Variants in RSPH9 observed in about 807,000 individuals in gnomAD.
The protein encoded by RSPH9 is radial spoke head protein 9 homolog.
In RSPH9, 27 loss-of-function variants were observed where a neutral mutation model predicts 27.0. The observed-to-expected ratio is 1.00, with a 90% CI of 0.74 to 1.38. RSPH9 has a LOEUF of 1.38. Among genes scored for constraint, RSPH9 ranks in the 40% most tolerant of loss-of-function variants. RSPH9 has a pLI of 0.00. For missense variants in RSPH9, 347 were observed against 357.4 expected (o/e 0.97, Z 0.24); for synonymous variants, 145 against 147.7 (o/e 0.98, Z 0.13).
At chr6:43,649,339 G>A (rs1339465849) in intron 1 of RSPH9, among the ~76,000 whole-genome samples, 3 of 151,692 alleles carry the variant, frequency 2.0e-5, no homozygotes, top group East Asian at 1.9e-4. Context: ...ACAGGCGCCC[G>A]CCACCAAGCC....
At chr6:43,654,776 T>G (rs1383963119) in intron 2 of RSPH9, among the ~76,000 whole-genome samples, 1 of 152,088 alleles carries the variant, frequency 6.6e-6, no homozygotes, top group Non-Finnish European at 1.5e-5. Flanking sequence ...TGAGCTGAGA[T>G]CCCTGCACTG....
chr6:43,645,306 C>T lies in RSPH9; in HGVS notation c.208C>T (p.Pro70Ser). 1 of 1,613,622 alleles carries T rather than the reference C, an allele frequency of 6.2e-7. No individual in the cohort carries two copies. Among genetic ancestry groups the T allele is most frequent in the African/African-American group, 1.3e-5 (1 of 75,050 alleles). The change falls in exon 1 of 5, where the codon CCG (proline) becomes TCG (serine). Residue 70 changes from proline to serine, a missense_variant. Pro to Ser is a moderately conservative substitution (Grantham distance 74). Coordinates refer to ENST00000372163, the MANE Select transcript of RSPH9 (RefSeq NM_152732.5). ...GGGCCTGAGTGAGGACCAGCTCGCA[C>T]CGCGCAAGACGCTCTATAGGTGAGG... ...AQGLSEDQLA[P>S]RKTLYSLNCT...
chr6:43,645,317 G>A lies in RSPH9; in HGVS notation c.219G>A (p.Thr73=), dbSNP rs1173481906. ...LSEDQLAPRK[T]LYSLNCTEWS... The stretch of plus-strand genomic sequence containing the variant: ...AGGACCAGCTCGCACCGCGCAAGAC[G>A]CTCTATAGGTGAGGAGGCCCCCGGG... The change falls in exon 1 of 5, where the codon ACG becomes ACA. Residue 73 remains threonine (T), a synonymous_variant. Transcript: ENST00000372163. The A allele has an allele frequency of 1.4e-6, 2 of 1,451,828 alleles. No individual in the cohort carries two copies. Among genetic ancestry groups the A allele is most frequent in the Non-Finnish European group, 1.9e-6 (2 of 1,077,126 alleles). The allele number at this position is 1,451,828 out of a possible 1,614,324, so 89.9% of individuals were successfully genotyped here.
At chr6:43,645,570 C>T (rs1770766307) in intron 1 of RSPH9, among the ~76,000 whole-genome samples, 1 of 151,180 alleles carries the variant, frequency 6.6e-6, no homozygotes, top group African/African-American at 2.5e-5. Context: ...CCTGAGAGGG[C>T]GGGGCAATGG....
At chr6:43,666,550 T>TAATGATAC in intron 4 of RSPH9, 1 of 1,421,462 alleles carries the variant, frequency 7.0e-7, no homozygotes, top group South Asian at 1.2e-5. Context: ...TCTTGTCCCT[T>TAATGATAC]GGCCAAAGTG....
chr6:43,671,950 C>A lies in RSPH9; in HGVS notation c.*1001C>A. 2 of 1,533,886 alleles carry A rather than the reference C, an allele frequency of 1.3e-6. No homozygotes were observed. The highest frequency in any genetic ancestry group is 2.4e-5 in the East Asian group (1 of 42,204). ...GAGGTGCCTGTGAGGGCTGGGGGCC[C>A]AAGCTGGACGTGGGAGAGTGGAGCA... is the stretch of plus-strand genomic sequence containing the variant. On this transcript the variant is annotated 3_prime_UTR_variant, in exon 5 of 5. Transcript: ENST00000372163.
chr6:43,670,861 C>A lies in RSPH9; in HGVS notation c.743C>A (p.Thr248Asn), dbSNP rs371417111. Residue 248 changes from threonine to asparagine, a missense_variant, in exon 5 of 5, where the codon ACC (threonine) becomes AAC (asparagine). Transcript: ENST00000372163. The part of the protein sequence containing the change: ...VLRSLLWPGL[T>N]FYHAPRTKNY... Reference sequence around the variant, plus strand: ...CGCAGCCTGCTCTGGCCGGGCCTCACCTTCTACCATGCTCCCCGCACCAAG... The same window carrying A: ...CGCAGCCTGCTCTGGCCGGGCCTCAACTTCTACCATGCTCCCCGCACCAAG... 4 of 1,614,254 alleles carry A rather than the reference C, an allele frequency of 2.5e-6. No homozygotes were observed. The African/African-American group carries it at 4.0e-5, about 16-fold the overall frequency.
At chr6:43,658,290 TC>T (rs1455543198) in intron 4 of RSPH9, among the ~76,000 whole-genome samples, 1 of 34,238 alleles carries the variant, frequency 2.9e-5, no homozygotes, top group Non-Finnish European at 4.8e-5. Context: ...AAACTCCGTC[TC>T]AAAAAAAAAA....
intron 4 of RSPH9, among the ~76,000 whole-genome samples, chr6:43,668,752 GC>G (rs1773405153): frequency 6.6e-6 from 1 of 152,232 alleles, no homozygotes; most frequent in Non-Finnish European, 1.5e-5. Flanking sequence ...CCTAGCCCAG[GC>G]AGGCTGCAAG....
chr6:43,651,459 C>T (rs1169107809), intron 2 of RSPH9, among the ~76,000 whole-genome samples: 1 of 152,126 alleles, frequency 6.6e-6, no homozygotes, highest in Non-Finnish European at 1.5e-5. Context: ...TTCAAAGGTA[C>T]AAAAAGGAAT....
chr6:43,671,768 A>G lies in RSPH9; in HGVS notation c.*819A>G. 6.2e-7 allele frequency: 1 copy of G among 1,614,190 alleles called. No homozygotes were observed. Among genetic ancestry groups the G allele is most frequent in the South Asian group, 1.1e-5 (1 of 91,082 alleles). ...CTGGAAGCACTGCTCTCTGTCAGTGATACAGCTTCCAAGGTGTTCTTGAGT... is the reference window on the plus strand; with the variant it reads ...CTGGAAGCACTGCTCTCTGTCAGTGGTACAGCTTCCAAGGTGTTCTTGAGT... On this transcript the variant is annotated 3_prime_UTR_variant, in exon 5 of 5. Coordinates refer to ENST00000372163, the MANE Select transcript of RSPH9 (RefSeq NM_152732.5).
In RSPH9 at chr6:43,672,054, C is replaced by T. The variant is rs1773734988; in HGVS notation, c.*1105C>T. 1.1e-6 allele frequency: 1 copy of T among 921,054 alleles called. No individual in the cohort carries two copies. Among genetic ancestry groups the T allele is most frequent in the South Asian group, 1.8e-5 (1 of 56,650 alleles). The allele number at this position is 921,054 out of a possible 1,614,324, so 57.1% of individuals were successfully genotyped here. A position where few individuals can be genotyped will look rare whatever the true frequency, so the allele number is the denominator to read the frequency against. On this transcript the variant is annotated 3_prime_UTR_variant, in exon 5 of 5. Coordinates refer to ENST00000372163, the MANE Select transcript of RSPH9 (RefSeq NM_152732.5). ...CCTTTCCTGAAGTGCAGGGATTTTC[C>T]TGGGAGTAACTGCTGAGCGTCCTGT...
rs1421686290 is a variant in RSPH9 at position 43,655,458 on chromosome 6, A to G, written c.394-104A>G. On this transcript the variant is annotated intron_variant, in intron 2 of 4. Coordinates refer to ENST00000372163, the MANE Select transcript of RSPH9 (RefSeq NM_152732.5). ...CGTGATCTGTGTGGCTCTGGGGTCC[A>G]CTACACTGCAGTGGTGCGGGTGAGA... The G allele has an allele frequency of 3.1e-6, 4 of 1,294,282 alleles. No homozygotes were observed. In the African/African-American group the frequency reaches 4.3e-5, roughly 14 times the overall value. 80.2% of individuals were successfully genotyped at this position (1,294,282 alleles called of 1,614,324 possible).
intron 2 of RSPH9, among the ~76,000 whole-genome samples, chr6:43,651,168 C>G (rs1322085292): frequency 1.3e-5 from 2 of 152,046 alleles, no homozygotes; most frequent in South Asian, 2.1e-4. Flanking sequence ...TGCTACTGTG[C>G]CTGTATCATC....
chr6:43,671,587 C>A lies in RSPH9; in HGVS notation c.*638C>A, dbSNP rs562398197. 201 of 705,982 alleles carry A rather than the reference C, an allele frequency of 2.8e-4. 1 individual carries two copies. The African/African-American group carries it at 3.3e-3, about 12-fold the overall frequency. 43.7% of individuals were successfully genotyped at this position (705,982 alleles called of 1,614,324 possible). ...CTGCCTCTAGCTCCCAGCATTGCTA[C>A]TGTGCAGGCCAAGGGTACTGAAGTT... On this transcript the variant is annotated 3_prime_UTR_variant, in exon 5 of 5. Coordinates refer to ENST00000372163, the MANE Select transcript of RSPH9 (RefSeq NM_152732.5).
intron 2 of RSPH9, among the ~76,000 whole-genome samples, chr6:43,651,546 T>C (rs577253265): frequency 5.3e-5 from 8 of 152,132 alleles, no homozygotes; most frequent in African/African-American, 1.7e-4. Flanking sequence ...CTCTCTCTCT[T>C]TCTTTCTTTT....
chr6:43,666,602 T>C (rs1471681251), intron 4 of RSPH9: 1 of 908,744 alleles, frequency 1.1e-6, no homozygotes, highest in Non-Finnish European at 1.7e-6. Flanking sequence ...GGAGAGCTGT[T>C]GTCCTCATGA....
Position 43,647,809 on chromosome 6 carries a change from G to A in RSPH9, c.227+2484G>A, listed in dbSNP as rs935077005. Among the ~76,000 whole-genome samples, 25 of 152,210 alleles carry A rather than the reference G, an allele frequency of 1.6e-4. 1 individual carries two copies. The highest frequency in any genetic ancestry group is 5.8e-4 in the African/African-American group (24 of 41,436). ...GAGCACCTACTATGTGCTACCATGT[G>A]CTAGGCATTGATTTAGGCACCAGGA... On this transcript the variant is annotated intron_variant, in intron 1 of 4. Coordinates refer to ENST00000372163, the MANE Select transcript of RSPH9 (RefSeq NM_152732.5).
chr6:43,655,761 G>A (rs1771939215), intron 3 of RSPH9, 70 bp downstream of exon 3: 1 of 1,566,906 alleles, frequency 6.4e-7, no homozygotes, highest in Non-Finnish European at 8.8e-7. Flanking sequence ...CATATGTCTG[G>A]GAGTCCAGCA....
Sources: gnomAD v4.1 joint callset for allele counts (sites outside exome capture counted in the v4.1 genomes callset) on GRCh38, gnomAD v4.1.1 for gene constraint, MANE v1.5 for transcripts, NCBI Gene and HGNC (gene_info 2026-07-23, HGNC 2026-07-21) for gene names.